The following ZSWIM8 variants were observed in gnomAD, a reference collection of about 807,000 sequenced individuals.
ZSWIM8 encodes the protein zinc finger SWIM-type containing 8.
Under a neutral mutation model 173.7 loss-of-function variants are expected in ZSWIM8, and 27 were observed. The ratio of observed to expected loss-of-function variants is 0.16; its 90% confidence interval spans 0.11 to 0.21. ZSWIM8 has a LOEUF of 0.21. Ranked by LOEUF, ZSWIM8 falls within the 10% of genes least tolerant of loss-of-function variation. ZSWIM8 has a pLI of 1.00. For missense variants in ZSWIM8, 1,627 were observed against 2,428.8 expected (o/e 0.67, Z 6.94); for synonymous variants, 958 against 962.0 (o/e 1.00, Z 0.08).
At chr10:73,786,410 A>G in intron 1 of ZSWIM8, 1 of 312,040 alleles carries the variant, frequency 3.2e-6, no homozygotes, top group Non-Finnish European at 5.9e-6. Context: ...ATCTTTCGTC[A>G]CTCCTTTGCC....
Position 73,792,594 on chromosome 10 carries a change from T to C in ZSWIM8, c.2055T>C (p.Ser685=). The change falls in exon 10 of 26, where the codon TCT becomes TCC. Residue 685 remains serine, a synonymous_variant. Transcript: ENST00000604729. This position sits in a 1 kb window ranked among gnomAD's most constrained non-coding sequence, Gnocchi z 4.3. The part of the protein sequence containing the change: ...FSEGPEPPTA[S]VGPPGLLPGD... Reference sequence around the variant, plus strand: ...AAGGGCCTGAGCCTCCCACAGCCTCTGTTGGCCCCCCTGGCCTACTGCCTG... The same window carrying C: ...AAGGGCCTGAGCCTCCCACAGCCTCCGTTGGCCCCCCTGGCCTACTGCCTG... 2 of 1,614,018 alleles carry C rather than the reference T, an allele frequency of 1.2e-6. No homozygotes were observed. Among genetic ancestry groups the C allele is most frequent in the Non-Finnish European group, 1.7e-6 (2 of 1,179,862 alleles).
intron 14 of ZSWIM8, 109 bp downstream of exon 14, chr10:73,794,748 T>G: frequency 1.0e-6 from 1 of 991,236 alleles, no homozygotes; most frequent in Non-Finnish European, 1.5e-6. Context: ...CAGGATGACA[T>G]GTGTGAGCCA....
At position 73,801,371 on chromosome 10, in the gene ZSWIM8, A is replaced by G; in HGVS notation, c.5357A>G (p.Asn1786Ser). 3.7e-6 allele frequency: 6 copies of G among 1,613,954 alleles called. No homozygotes were observed. The highest frequency in any genetic ancestry group is 5.1e-6 in the Non-Finnish European group (6 of 1,179,876). The change falls in exon 26 of 26, where the codon AAT becomes AGT. Residue 1786 changes from asparagine to serine, a missense_variant. This residue lies in a region of ZSWIM8 where 122 missense variants were observed against 196.1 expected (regional missense o/e 0.62). Transcript: ENST00000604729. The surrounding 1 kb of genome is among the most constrained non-coding windows in gnomAD (Gnocchi z 4.9). Reference protein sequence around the residue: ...LTPADYDDFVNAIRSARSAFC... With the variant: ...LTPADYDDFVSAIRSARSAFC... ...CCTGCGGACTACGACGACTTTGTGA[A>G]TGCGATCCGGAGTGCCCGCAGCGCC...
At chr10:73,788,974 C>CA in intron 2 of ZSWIM8, 122 bp from the exon 3 acceptor site, 3 of 892,952 alleles carry the variant, frequency 3.4e-6, no homozygotes, top group Non-Finnish European at 4.8e-6. Flanking sequence ...CCCTCCCCCC[C>CA]ACCCCCCGCC....
Position 73,791,724 on chromosome 10 carries a change from G to A in ZSWIM8, c.1320-135G>A, listed in dbSNP as rs2132690523. Reference sequence around the variant, plus strand: ...CTTTTCAAAATTCTCCAGTGTTTCAGTGATGCTTATGGGGCTGGGTCAAGA... The same window carrying A: ...CTTTTCAAAATTCTCCAGTGTTTCAATGATGCTTATGGGGCTGGGTCAAGA... On this transcript the variant is annotated intron_variant, in intron 9 of 25. Transcript: ENST00000604729. This position sits in a 1 kb window ranked among gnomAD's most constrained non-coding sequence, Gnocchi z 6.0. 1.5e-6 allele frequency: 2 copies of A among 1,309,944 alleles called. No individual in the cohort carries two copies. The highest frequency in any genetic ancestry group is 2.0e-6 in the Non-Finnish European group (2 of 983,874). The allele number at this position is 1,309,944 out of a possible 1,614,324, so 81.1% of individuals were successfully genotyped here. A position where few individuals can be genotyped will look rare whatever the true frequency, so the allele number is the denominator to read the frequency against.
chr10:73,800,409 G>A lies in ZSWIM8; in HGVS notation c.4939G>A (p.Glu1647Lys). The change falls in exon 23 of 26, where the codon GAG (glutamate) becomes AAG (lysine). Residue 1647 changes from glutamate to lysine, a missense_variant. This residue lies in a region of ZSWIM8 where 275 missense variants were observed against 290.1 expected (regional missense o/e 0.95). Transcript: ENST00000604729. The surrounding 1 kb of genome is among the most constrained non-coding windows in gnomAD (Gnocchi z 4.1). ...CGGAGGTTTTCCACCGCCCGAGGAG[G>A]AGACACACAGTCAGCCAGTCAATCC... ...VSGGFPPPEEETHSQPVNPHS... is the reference protein window; with the variant it reads ...VSGGFPPPEEKTHSQPVNPHS... 6.2e-7 allele frequency: 1 copy of A among 1,613,862 alleles called. No homozygotes were observed. Among genetic ancestry groups the A allele is most frequent in the Non-Finnish European group, 8.5e-7 (1 of 1,179,864 alleles).
rs1265383263 is a variant in ZSWIM8, at chr10:73,792,941, C to G, written c.2313+89C>G. 6 of 1,452,082 alleles carry G rather than the reference C, an allele frequency of 4.1e-6. No individual in the cohort carries two copies. The highest frequency in any genetic ancestry group is 2.6e-4 in the Middle Eastern group (1 of 3,900). The allele number at this position is 1,452,082 out of a possible 1,614,324, so 89.9% of individuals were successfully genotyped here. On this transcript the variant is annotated intron_variant, in intron 10 of 25. Transcript: ENST00000604729. This position sits in a 1 kb window ranked among gnomAD's most constrained non-coding sequence, Gnocchi z 4.3. ...CTCTAGTTGGGAGTGTCAGGACCAT[C>G]AGCAGGATTGTGAGAACCCTGTTGC... is the stretch of plus-strand genomic sequence containing the variant.
chr10:73,798,602 A>G, intron 20 of ZSWIM8, 149 bp downstream of exon 20: 1 of 726,048 alleles, frequency 1.4e-6, no homozygotes, highest in South Asian at 1.9e-5. Context: ...TTACCCATTA[A>G]TGTGCTTTCA....
Position 73,800,516 on chromosome 10 carries a change from AG to A in ZSWIM8, c.5002+45del. On this transcript the variant is annotated intron_variant, in intron 23 of 25. Coordinates refer to ENST00000604729, the MANE Select transcript of ZSWIM8 (RefSeq NM_001367799.1). This position sits in a 1 kb window ranked among gnomAD's most constrained non-coding sequence, Gnocchi z 4.1. ...CTGTGCTCCTACCTGCAGTTGTGCC[AG>A]TGGCTCTTCAGAGGACCCTTCCTCT... is the stretch of plus-strand genomic sequence containing the variant. The A allele has an allele frequency of 6.2e-7, 1 of 1,609,304 alleles. No individual in the cohort carries two copies. Among genetic ancestry groups the A allele is most frequent in the Non-Finnish European group, 8.5e-7 (1 of 1,177,266 alleles).
chr10:73,785,994 A>G lies in ZSWIM8; in HGVS notation c.116A>G (p.Gln39Arg), dbSNP rs1435101534. 2 of 1,604,354 alleles carry G rather than the reference A, an allele frequency of 1.2e-6. No homozygotes were observed. The highest frequency in any genetic ancestry group is 1.7e-6 in the Non-Finnish European group (2 of 1,175,568). ...ATCTCCGAGGCCGAGAGCCTCTGCC[A>G]GAACTGGCGGGGATGGCGCAAACAG... ...SFISEAESLC[Q>R]NWRGWRKQSA... The change falls in exon 1 of 26, where the codon CAG becomes CGG. Residue 39 changes from glutamine to arginine, a missense_variant. By Grantham distance (43) the Gln-to-Arg change is conservative. Transcript: ENST00000604729.
In ZSWIM8 at chr10:73,800,787, G is replaced by A. The variant is rs977408589; in HGVS notation, c.5122+28G>A. 1.5e-6 allele frequency: 2 copies of A among 1,322,130 alleles called. No homozygotes were observed. The highest frequency in any genetic ancestry group is 1.0e-6 in the Non-Finnish European group (1 of 973,118). The allele number at this position is 1,322,130 out of a possible 1,614,324, so 81.9% of individuals were successfully genotyped here. The stretch of plus-strand genomic sequence containing the variant: ...AACACCTCCCCTCCCTAGGACCATT[G>A]CCCCCCCCCCACCTGCTCTCCCCAC... On this transcript the variant is annotated intron_variant, in intron 24 of 25. Transcript: ENST00000604729. This position sits in a 1 kb window ranked among gnomAD's most constrained non-coding sequence, Gnocchi z 4.1.
At position 73,797,705 on chromosome 10, in the gene ZSWIM8, C is replaced by A; in HGVS notation, c.3663-76C>A. Reference sequence around the variant, plus strand: ...TTGTCTCCCAGCATCCTCACTTTCCCTGGTCCTTCCCAACCTACCCGGATG... The same window carrying A: ...TTGTCTCCCAGCATCCTCACTTTCCATGGTCCTTCCCAACCTACCCGGATG... On this transcript the variant is annotated intron_variant, in intron 18 of 25. Coordinates refer to ENST00000604729, the MANE Select transcript of ZSWIM8 (RefSeq NM_001367799.1). The surrounding 1 kb of genome is among the most constrained non-coding windows in gnomAD (Gnocchi z 5.6). 6.4e-7 allele frequency: 1 copy of A among 1,565,468 alleles called. No homozygotes were observed. Among genetic ancestry groups the A allele is most frequent in the East Asian group, 2.3e-5 (1 of 43,798 alleles).
rs1417533502 is a variant in ZSWIM8 at position 73,792,311 on chromosome 10, C to T, written c.1772C>T (p.Ala591Val). ...GGCAAAGCCAAGGCACTGGGTGGGG[C>T]TGGCAGTGGGAGCAAGGGCTCAGCA... ...GGGKAKALGGAGSGSKGSAGG... is the reference protein window; with the variant it reads ...GGGKAKALGGVGSGSKGSAGG... The change falls in exon 10 of 26, where the codon GCT becomes GTT. Residue 591 changes from alanine (A) to valine (V), a missense_variant. Coordinates refer to ENST00000604729, the MANE Select transcript of ZSWIM8 (RefSeq NM_001367799.1). The surrounding 1 kb of genome is among the most constrained non-coding windows in gnomAD (Gnocchi z 4.3). The T allele has an allele frequency of 1.6e-5, 25 of 1,612,440 alleles. No individual in the cohort carries two copies. The highest frequency in any genetic ancestry group is 2.1e-5 in the Non-Finnish European group (25 of 1,179,208).
chr10:73,794,567 C>T lies in ZSWIM8; in HGVS notation c.2836C>T (p.Pro946Ser), dbSNP rs1414528325. Residue 946 changes from proline (P) to serine (S), a missense_variant, in exon 14 of 26, where the codon CCA becomes TCA. By Grantham distance (74) the Pro-to-Ser change is moderately conservative (BLOSUM62 -1). Coordinates refer to ENST00000604729, the MANE Select transcript of ZSWIM8 (RefSeq NM_001367799.1). ...GGTTTCTCCCACAGGTTCCCGGCCCCCAAGTCGCAACTGGAACAGCGAGAC... is the reference window on the plus strand; with the variant it reads ...GGTTTCTCCCACAGGTTCCCGGCCCTCAAGTCGCAACTGGAACAGCGAGAC... ...PVVSPTGSRP[P>S]SRNWNSETPG... The T allele has an allele frequency of 1.9e-6, 3 of 1,561,122 alleles. No individual in the cohort carries two copies. The highest frequency in any genetic ancestry group is 2.6e-6 in the Non-Finnish European group (3 of 1,151,890).
rs1022946402 is a variant in ZSWIM8 at position 73,789,079 on chromosome 10, C to T, written c.363-17C>T. 17 of 1,612,634 alleles carry T rather than the reference C, an allele frequency of 1.1e-5. No homozygotes were observed. Among genetic ancestry groups the T allele is most frequent in the South Asian group, 2.2e-5 (2 of 91,038 alleles). On this transcript the variant is annotated splice_polypyrimidine_tract_variant and intron_variant, in intron 2 of 25. Coordinates refer to ENST00000604729, the MANE Select transcript of ZSWIM8 (RefSeq NM_001367799.1). This position sits in a 1 kb window ranked among gnomAD's most constrained non-coding sequence, Gnocchi z 6.8. ...TTATTTGCTGAGTTGTGGCTGTGTC[C>T]TCTTCTTCACCCCCAGGCTGTATTC... is the stretch of plus-strand genomic sequence containing the variant.
intron 1 of ZSWIM8, among the ~76,000 whole-genome samples, chr10:73,786,943 C>CT (rs3036236): frequency 0.011 from 1,512 of 131,766 alleles, 27 homozygotes; most frequent in African/African-American, 0.036. Context: ...ACATATATCA[C>CT]TTTTTTTTTT....
At position 73,795,683 on chromosome 10, in the gene ZSWIM8, T is replaced by A. The variant is rs1157345037; in HGVS notation, c.3033+20T>A. On this transcript the variant is annotated intron_variant, in intron 15 of 25. Transcript: ENST00000604729. ...AAGAAGGTAAGAGACTGGGGCTGGG[T>A]GCGGTGGCTCATGCCTGTAATCCCA... 1 of 1,606,638 alleles carries A rather than the reference T, an allele frequency of 6.2e-7. No homozygotes were observed. Among genetic ancestry groups the A allele is most frequent in the Non-Finnish European group, 8.5e-7 (1 of 1,178,542 alleles).
chr10:73,800,392 T>G lies in ZSWIM8; in HGVS notation c.4922T>G (p.Phe1641Cys). Residue 1641 changes from phenylalanine (F) to cysteine (C), a missense_variant, in exon 23 of 26, where the codon TTT (phenylalanine) becomes TGT (cysteine). Transcript: ENST00000604729. The surrounding 1 kb of genome is among the most constrained non-coding windows in gnomAD (Gnocchi z 4.1). ...TQPSPLVSGG[F>C]PPPEEETHSQ... ...CCCAGCCCTCTGGTGAGCGGAGGTTTTCCACCGCCCGAGGAGGAGACACAC... is the reference window on the plus strand; with the variant it reads ...CCCAGCCCTCTGGTGAGCGGAGGTTGTCCACCGCCCGAGGAGGAGACACAC... 6.2e-7 allele frequency: 1 copy of G among 1,613,878 alleles called. No homozygotes were observed. The highest frequency in any genetic ancestry group is 1.1e-5 in the South Asian group (1 of 91,072).
Position 73,791,346 on chromosome 10 carries a change from T to C in ZSWIM8, c.1166T>C (p.Val389Ala). The C allele has an allele frequency of 6.2e-7, 1 of 1,612,346 alleles. No homozygotes were observed. The highest frequency in any genetic ancestry group is 8.5e-7 in the Non-Finnish European group (1 of 1,178,620). ...YEQITGWWYS[V>A]RTSASHSSAS... ...CAGATAACAGGTTGGTGGTATAGCG[T>C]ACGTACCTCAGCCTCACACAGCAGT... The change falls in exon 9 of 26, where the codon GTA becomes GCA. Residue 389 changes from valine to alanine, a missense_variant. Val to Ala is a moderately conservative substitution (Grantham distance 64). Around this residue, in one of 18 missense-constraint regions of ZSWIM8, gnomAD observed 103 missense variants for 155.6 expected, o/e 0.66. Coordinates refer to ENST00000604729, the MANE Select transcript of ZSWIM8 (RefSeq NM_001367799.1). The surrounding 1 kb of genome is among the most constrained non-coding windows in gnomAD (Gnocchi z 6.0).
Sources: allele counts gnomAD v4.1 joint callset (sites outside exome capture counted in the v4.1 genomes callset), GRCh38; gene constraint gnomAD v4.1.1; regional missense constraint gnomAD v4.1.1; non-coding constraint Gnocchi (gnomAD v3.1); transcripts MANE v1.5; gene names NCBI Gene and HGNC (gene_info 2026-07-23, HGNC 2026-07-21).